SHROOM3: variants seen among roughly 807,000 people sequenced by gnomAD.
SHROOM3 encodes shroom family member 3.
A neutral mutation model predicts 138.6 loss-of-function variants in SHROOM3; 47 were observed. That is an observed-to-expected ratio of 0.34 (90% CI 0.27 to 0.43). The LOEUF (loss-of-function observed/expected upper bound fraction) is 0.43, where lower values mean the gene tolerates loss of function less well. Ranked by LOEUF, SHROOM3 falls within the 20% of genes least tolerant of loss-of-function variation. The probability of loss-of-function intolerance (pLI) is 1.00; values close to 1 mark genes in which losing one functional copy is unlikely to be tolerated. For synonymous variants in SHROOM3, 1,062 were observed against 1,063.3 expected (o/e 1.00, Z 0.02); for missense variants, 2,491 against 2,596.5 (o/e 0.96, Z 0.88).
chr4:76,740,104 G>T lies in SHROOM3; in HGVS notation c.1931G>T (p.Arg644Ile). Residue 644 changes from arginine (R) to isoleucine (I), a missense_variant, in exon 5 of 11, where the codon AGA (arginine) becomes ATA (isoleucine). Around this residue, in one of 4 missense-constraint regions of SHROOM3, gnomAD observed 1,733 missense variants for 1,661.6 expected, o/e 1.04. Transcript: ENST00000296043. The surrounding 1 kb of genome is among the most constrained non-coding windows in gnomAD (Gnocchi z 4.0). ...GCCAACCTCTGGAGGAGGCTGGAGA[G>T]AGAAGGCCTAGGCCAGAGCCTGTCA... ...HNANLWRRLE[R>I]EGLGQSLSGN... is the part of the protein sequence containing the mutation. 1 of 1,613,788 alleles carries T rather than the reference G, an allele frequency of 6.2e-7. No homozygotes were observed.
chr4:76,611,254 C>G (rs377580534), intron 2 of SHROOM3, among the ~76,000 whole-genome samples: 80 of 150,248 alleles, frequency 5.3e-4, no homozygotes, highest in South Asian at 1.5e-3. Flanking sequence ...CTCTCTGTGT[C>G]TCTCTCTCTC....
chr4:76,730,963 G>C, intron 4 of SHROOM3, 28 bp downstream of exon 4: 1 of 1,613,596 alleles, frequency 6.2e-7, no homozygotes, highest in Non-Finnish European at 8.5e-7. Flanking sequence ...AGACTGAAGG[G>C]TTTCTTTCTT....
At chr4:76,441,129 G>C (rs1191680198) in intron 1 of SHROOM3, among the ~76,000 whole-genome samples, 3 of 113,752 alleles carry the variant, frequency 2.6e-5, no homozygotes, top group East Asian at 3.0e-4. Flanking sequence ...TCACTCTGTC[G>C]CCCAGGCTGG....
At chr4:76,441,086 GTT>G (rs374530154) in intron 1 of SHROOM3, among the ~76,000 whole-genome samples, 1,453 of 82,078 alleles carry the variant, frequency 0.018, 13 homozygotes, top group African/African-American at 0.064. Flanking sequence ...AGTTCAATTT[GTT>G]TTTTTTTTTT....
At chr4:76,633,240 C>T (rs1735376851) in intron 2 of SHROOM3, among the ~76,000 whole-genome samples, 1 of 145,454 alleles carries the variant, frequency 6.9e-6, no homozygotes, top group Non-Finnish European at 1.5e-5. Flanking sequence ...ACTCAGGAGG[C>T]TGAGGCATGA....
At position 76,552,153 on chromosome 4, in the gene SHROOM3, C is replaced by T. The variant is rs192098464; in HGVS notation, c.169-3456C>T. 4.0e-4 allele frequency among the ~76,000 whole-genome samples: 60 copies of T among 150,818 alleles called. No individual in the cohort carries two copies. The East Asian group carries it at 7.8e-3, about 20-fold the overall frequency. ...CTGGGATTACAGGCATGAGCCACTG[C>T]GCCTGGCCTAAATTTTTAATTGTTA... On this transcript the variant is annotated intron_variant, in intron 1 of 10. Coordinates refer to ENST00000296043, the MANE Select transcript of SHROOM3 (RefSeq NM_020859.4).
At chr4:76,438,338 G>T (rs1730601731) in intron 1 of SHROOM3, among the ~76,000 whole-genome samples, 1 of 152,160 alleles carries the variant, frequency 6.6e-6, no homozygotes, top group African/African-American at 2.4e-5. Context: ...AGGGAAGAGG[G>T]AAAAGAGAAG....
rs1181151379 is a variant in SHROOM3 at position 76,741,050 on chromosome 4, A to G, written c.2877A>G (p.Pro959=). 8 of 1,496,174 alleles carry G rather than the reference A, an allele frequency of 5.3e-6. No individual in the cohort carries two copies. Among genetic ancestry groups the G allele is most frequent in the Non-Finnish European group, 6.2e-6 (7 of 1,127,652 alleles). 92.7% of individuals were successfully genotyped at this position (1,496,174 alleles called of 1,614,324 possible). The change falls in exon 5 of 11, where the codon CCA becomes CCG. Residue 959 remains proline (P), a synonymous_variant. Coordinates refer to ENST00000296043, the MANE Select transcript of SHROOM3 (RefSeq NM_020859.4). This position sits in a 1 kb window ranked among gnomAD's most constrained non-coding sequence, Gnocchi z 6.2. Reference sequence around the variant, plus strand: ...CCGTGGCGTCGAGGTCCTGGCGGCCACGGCCTTCCTCGGCCCACGTGGGGC... The same window carrying G: ...CCGTGGCGTCGAGGTCCTGGCGGCCGCGGCCTTCCTCGGCCCACGTGGGGC... The part of the protein sequence containing the change: ...GAPVASRSWR[P]RPSSAHVGLR...
intron 2 of SHROOM3, among the ~76,000 whole-genome samples, chr4:76,696,603 G>A (rs771932795): frequency 2.1e-4 from 32 of 152,264 alleles, no homozygotes; most frequent in Non-Finnish European, 4.1e-4. Context: ...CTGGCCTGGC[G>A]TCCCTGACCT....
chr4:76,727,103 G>A (rs559112053), intron 3 of SHROOM3, among the ~76,000 whole-genome samples: 4 of 152,324 alleles, frequency 2.6e-5, no homozygotes, highest in Middle Eastern at 6.8e-3. Context: ...TCACTAAGTA[G>A]TGGGAATGAG....
At chr4:76,738,135 T>C (rs1721131974) in intron 4 of SHROOM3, among the ~76,000 whole-genome samples, 1 of 152,112 alleles carries the variant, frequency 6.6e-6, no homozygotes, top group South Asian at 2.1e-4. Context: ...TCTTTCCCCT[T>C]AGTTCTGCCT....
Position 76,502,813 on chromosome 4 carries a change from G to A in SHROOM3, c.169-52796G>A, listed in dbSNP as rs528482169. On this transcript the variant is annotated intron_variant, in intron 1 of 10. Coordinates refer to ENST00000296043, the MANE Select transcript of SHROOM3 (RefSeq NM_020859.4). ...CAATTCATTTGGAATTGATTTTTGT[G>A]TGTGATGTGAGATTAGAGTCCTGAT... Among the ~76,000 whole-genome samples the A allele has an allele frequency of 1.1e-3, 170 of 152,322 alleles. 2 individuals are homozygous for A. The highest frequency in any genetic ancestry group is 3.1e-3 in the African/African-American group (128 of 41,576).
intron 2 of SHROOM3, among the ~76,000 whole-genome samples, chr4:76,625,791 C>T (rs1406051304): frequency 6.6e-6 from 1 of 152,198 alleles, no homozygotes; most frequent in Non-Finnish European, 1.5e-5. Context: ...TCTTTGTCTA[C>T]CCCTATAACT....
chr4:76,523,036 C>G (rs528804427), intron 1 of SHROOM3, among the ~76,000 whole-genome samples: 1 of 152,266 alleles, frequency 6.6e-6, no homozygotes, highest in East Asian at 1.9e-4. Context: ...TATTCTCTCA[C>G]AGTTCTGGAG....
intron 2 of SHROOM3, among the ~76,000 whole-genome samples, chr4:76,703,763 A>G (rs1164673714): frequency 1.3e-5 from 2 of 152,244 alleles, no homozygotes; most frequent in Non-Finnish European, 2.9e-5. Flanking sequence ...TAAATAAGAC[A>G]AATTGCCACA....
intron 2 of SHROOM3, among the ~76,000 whole-genome samples, chr4:76,690,850 CT>C (rs377199263): frequency 1.9e-4 from 29 of 149,680 alleles, no homozygotes; most frequent in African/African-American, 6.1e-4. Context: ...CAGCTATGGA[CT>C]TTTTTTTTTC....
At chr4:76,751,951 T>C (rs1721638277) in intron 6 of SHROOM3, among the ~76,000 whole-genome samples, 1 of 152,190 alleles carries the variant, frequency 6.6e-6, no homozygotes, top group Non-Finnish European at 1.5e-5. Flanking sequence ...GCAATGCCAC[T>C]TCAGAGTATG....
chr4:76,569,698 A>AT (rs1733795965), intron 2 of SHROOM3, among the ~76,000 whole-genome samples: 1 of 115,016 alleles, frequency 8.7e-6, no homozygotes, highest in Non-Finnish European at 1.9e-5. Context: ...TTCCTATGAC[A>AT]GTTTTTTTTT....
At chr4:76,659,730 C>T (rs1023090902) in intron 2 of SHROOM3, among the ~76,000 whole-genome samples, 14 of 152,074 alleles carry the variant, frequency 9.2e-5, no homozygotes, top group Non-Finnish European at 1.5e-4. Flanking sequence ...TACAGGTGTG[C>T]GCCACCACAC....
Sources: gnomAD v4.1 joint callset for allele counts (sites outside exome capture counted in the v4.1 genomes callset) on GRCh38, gnomAD v4.1.1 for gene constraint, gnomAD v4.1.1 regional missense constraint, Gnocchi (gnomAD v3.1) non-coding constraint, MANE v1.5 for transcripts, NCBI Gene and HGNC (gene_info 2026-07-23, HGNC 2026-07-21) for gene names.